Variants in FAM135A observed in about 807,000 individuals in gnomAD.
FAM135A encodes protein FAM135A.
Under a neutral mutation model 146.8 loss-of-function variants are expected in FAM135A, and 79 were observed. The ratio of observed to expected loss-of-function variants is 0.54; its 90% confidence interval spans 0.45 to 0.65. The LOEUF is 0.65. FAM135A is among the 30% of genes least tolerant of loss of function. The probability of loss-of-function intolerance (pLI) is 0.00; values close to 1 mark genes in which losing one functional copy is unlikely to be tolerated. For missense variants in FAM135A, 1,623 were observed against 1,758.2 expected, an observed-to-expected ratio of 0.92 and a Z score of 1.38; for synonymous variants, 562 against 603.6, an observed-to-expected ratio of 0.93 and a Z score of 1.01.
At chr6:70,456,605 G>A (rs1203197761) in intron 5 of FAM135A, among the ~76,000 whole-genome samples, 1 of 152,126 alleles carries the variant, frequency 6.6e-6, no homozygotes, top group Non-Finnish European at 1.5e-5. Flanking sequence ...TAGATTTTTA[G>A]GTTGGTGTAA....
intron 10 of FAM135A, 98 bp from the exon 11 acceptor site, chr6:70,490,936 C>A (rs1785771300): frequency 1.3e-6 from 1 of 751,458 alleles, no homozygotes; most frequent in South Asian, 2.2e-5. Flanking sequence ...TGAATACAGT[C>A]CAGATCATTC....
intron 20 of FAM135A, among the ~76,000 whole-genome samples, chr6:70,544,164 G>A (rs188443639): frequency 1.3e-5 from 2 of 152,130 alleles, no homozygotes; most frequent in East Asian, 3.9e-4. Flanking sequence ...AATATCATAA[G>A]CTAGGTGCGG....
rs1209027037 is a variant in FAM135A, at chr6:70,560,993, TTTAC to T, written c.*1075_*1078del. On this transcript the variant is annotated 3_prime_UTR_variant, in exon 22 of 22. Transcript: ENST00000418814. ...TAAATTCACTATTTTCCTTTTCTGT[TTTAC>T]TTGTGAAAATAAAAATGCACTAAGG... 2 of 152,608 alleles carry T rather than the reference TTTAC, an allele frequency of 1.3e-5. No homozygotes were observed. Among genetic ancestry groups the T allele is most frequent in the African/African-American group, 2.4e-5 (1 of 41,452 alleles). The allele number at this position is 152,608 out of a possible 1,614,324, so 9.5% of individuals were successfully genotyped here. A position where few individuals can be genotyped will look rare whatever the true frequency, so the allele number is the denominator to read the frequency against.
intron 10 of FAM135A, among the ~76,000 whole-genome samples, chr6:70,487,280 TG>T (rs1303160124): frequency 6.6e-6 from 1 of 152,034 alleles, no homozygotes; most frequent in African/African-American, 2.4e-5. Flanking sequence ...GTAAAGGAAA[TG>T]TTCTGATCTC....
At chr6:70,428,125 G>A (rs550962167) in intron 3 of FAM135A, among the ~76,000 whole-genome samples, 179 bp from the exon 4 acceptor site, 16 of 152,268 alleles carry the variant, frequency 1.1e-4, no homozygotes, top group African/African-American at 3.4e-4. Context: ...GAGTAGTGCA[G>A]CTTAGTAAGT....
chr6:70,461,016 G>T (rs1440645320), intron 5 of FAM135A, among the ~76,000 whole-genome samples: 2 of 151,966 alleles, frequency 1.3e-5, no homozygotes, highest in South Asian at 4.2e-4. Context: ...TAAAGACGGG[G>T]TTTCATCAGG....
chr6:70,414,924 C>T (rs61479468), intron 1 of FAM135A, among the ~76,000 whole-genome samples: 7,002 of 152,212 alleles, frequency 0.046, 357 homozygotes, highest in African/African-American at 0.11. Context: ...TGTAGCTGTC[C>T]AAGAACTAAT....
Position 70,521,309 on chromosome 6 carries a change from T to C in FAM135A, c.1030-1204T>C, listed in dbSNP as rs577080859. ...CTGCAACTGCAGGAATCCAGATAAC[T>C]TAAAGATGCGTTTTTTTCATGCTTT... On this transcript the variant is annotated intron_variant, in intron 12 of 21. Transcript: ENST00000418814. Among the ~76,000 whole-genome samples, 12 of 149,818 alleles carry C rather than the reference T, an allele frequency of 8.0e-5. No homozygotes were observed. The East Asian group carries it at 2.3e-3, about 29-fold the overall frequency.
At chr6:70,475,057 A>T (rs1046680525) in intron 5 of FAM135A, among the ~76,000 whole-genome samples, 2 of 152,142 alleles carry the variant, frequency 1.3e-5, no homozygotes, top group Non-Finnish European at 2.9e-5. Context: ...ACTCCTAGCA[A>T]CCAGTACAAA....
intron 13 of FAM135A, among the ~76,000 whole-genome samples, chr6:70,523,681 A>G (rs142940417): frequency 9.3e-4 from 142 of 152,326 alleles, no homozygotes; most frequent in Middle Eastern, 3.4e-3. Flanking sequence ...GACATTAAGC[A>G]TAGAAATTCA....
At chr6:70,511,392 C>T (rs1417546842) in intron 12 of FAM135A, among the ~76,000 whole-genome samples, 3 of 151,710 alleles carry the variant, frequency 2.0e-5, no homozygotes, top group South Asian at 4.1e-4. Flanking sequence ...TAAGGTAACC[C>T]TTGAGAGAAA....
chr6:70,461,325 A>C (rs1268287996), intron 5 of FAM135A, among the ~76,000 whole-genome samples: 2 of 152,114 alleles, frequency 1.3e-5, no homozygotes, highest in African/African-American at 4.8e-5. Context: ...GCATTAAATA[A>C]CTGAAAGTAC....
intron 17 of FAM135A, 150 bp downstream of exon 17, chr6:70,533,401 A>G (rs1796200487): frequency 3.3e-6 from 2 of 606,980 alleles, no homozygotes; most frequent in Middle Eastern, 4.5e-4. Context: ...AAGGAAATAT[A>G]TATGATTTAC....
In FAM135A at chr6:70,515,462, A is replaced by G. The variant is rs530693341; in HGVS notation, c.1030-7051A>G. Among the ~76,000 whole-genome samples, 384 of 152,346 alleles carry G rather than the reference A, an allele frequency of 2.5e-3. 18 individuals carry two copies. The South Asian group carries it at 0.077, about 30-fold the overall frequency. ...TCAGTGAAGCCATGAAAAGACATAG[A>G]GGAAACTTGAAAGCATATTGCAGGC... On this transcript the variant is annotated intron_variant, in intron 12 of 21. Transcript: ENST00000418814.
chr6:70,475,841 G>A, intron 7 of FAM135A, 108 bp downstream of exon 7: 2 of 847,272 alleles, frequency 2.4e-6, no homozygotes, highest in Non-Finnish European at 3.6e-6. Context: ...ATCTTGTCTT[G>A]AACTACTTGT....
At chr6:70,479,819 G>C (rs1470320325) in intron 8 of FAM135A, among the ~76,000 whole-genome samples, 1 of 152,046 alleles carries the variant, frequency 6.6e-6, no homozygotes, top group Non-Finnish European at 1.5e-5. Flanking sequence ...GTTACTTAAA[G>C]TAAGTGGCTT....
At chr6:70,465,934 G>A (rs1276898378) in intron 5 of FAM135A, among the ~76,000 whole-genome samples, 1 of 152,142 alleles carries the variant, frequency 6.6e-6, no homozygotes. Flanking sequence ...TTTTCATGGT[G>A]TTTCAACTCA....
chr6:70,528,524 C>A, intron 16 of FAM135A, 72 bp downstream of exon 16: 1 of 1,314,368 alleles, frequency 7.6e-7, no homozygotes, highest in Admixed American at 2.8e-5. Flanking sequence ...CATTTAGTTT[C>A]ATTTAGTCTT....
intron 3 of FAM135A, among the ~76,000 whole-genome samples, chr6:70,427,237 G>A (rs575041140): frequency 1.1e-4 from 16 of 152,150 alleles, no homozygotes; most frequent in African/African-American, 3.4e-4. Context: ...CAGTGTCATA[G>A]TTAACAATTA....
Sources: allele counts gnomAD v4.1 joint callset (sites outside exome capture counted in the v4.1 genomes callset), GRCh38; gene constraint gnomAD v4.1.1; transcripts MANE v1.5; gene names NCBI Gene and HGNC (gene_info 2026-07-23, HGNC 2026-07-21).